The following DYNC2H1 variants were observed in gnomAD, a reference collection of about 807,000 sequenced individuals.
DYNC2H1 encodes the protein dynein cytoplasmic 2 heavy chain 1, also known as cytoplasmic dynein 2 heavy chain 1.
Under a neutral mutation model 570.0 loss-of-function variants are expected in DYNC2H1, and 410 were observed. The observed-to-expected ratio is 0.72, with a 90% CI of 0.66 to 0.78. The LOEUF (loss-of-function observed/expected upper bound fraction) is 0.78, where lower values mean the gene tolerates loss of function less well. Ranked by LOEUF, DYNC2H1 falls within the 30% of genes least tolerant of loss-of-function variation. The probability of loss-of-function intolerance (pLI) is 0.00; values close to 1 mark genes in which losing one functional copy is unlikely to be tolerated. For synonymous variants in DYNC2H1, 1,688 were observed against 1,677.6 expected (o/e 1.01, Z -0.15); for missense variants, 4,865 against 5,046.4 (o/e 0.96, Z 1.09).
rs1312264724 is a variant in DYNC2H1 at position 103,143,229 on chromosome 11, C to T, written c.2575-39C>T. On this transcript the variant is annotated intron_variant, in intron 17 of 88. Transcript: ENST00000375735. ...TCTATTATATGTTAACATATTGGTT[C>T]TGTGTCTTTAATAATACATTTTTTC... 28 of 1,594,420 alleles carry T rather than the reference C, an allele frequency of 1.8e-5. No individual in the cohort carries two copies. The East Asian group carries it at 6.1e-4, about 34-fold the overall frequency.
At chr11:103,354,602 G>A (rs1940240112) in intron 82 of DYNC2H1, among the ~76,000 whole-genome samples, 1 of 151,708 alleles carries the variant, frequency 6.6e-6, no homozygotes, top group Non-Finnish European at 1.5e-5. Flanking sequence ...AATGTCCATG[G>A]TTTAAATAGT....
intron 84 of DYNC2H1, among the ~76,000 whole-genome samples, chr11:103,416,308 TTAA>T (rs1169866928): frequency 6.6e-6 from 1 of 151,926 alleles, no homozygotes; most frequent in African/African-American, 2.4e-5. Context: ...ATAATAATAA[TTAA>T]TAATAAAAAA....
intron 31 of DYNC2H1, among the ~76,000 whole-genome samples, chr11:103,166,990 C>CTTTTTTTTTTT (rs34816989): frequency 4.0e-4 from 23 of 56,982 alleles, no homozygotes; most frequent in East Asian, 1.3e-3. Context: ...GAGGCGCTGC[C>CTTTTTTTTTTT]TTTTTTTTTT....
chr11:103,462,455 T>C (rs1945050343), intron 87 of DYNC2H1, among the ~76,000 whole-genome samples: 1 of 152,162 alleles, frequency 6.6e-6, no homozygotes, highest in Non-Finnish European at 1.5e-5. Flanking sequence ...ACAGCCTCAT[T>C]CCTCATGTAA....
At chr11:103,229,001 C>G (rs1050232239) in intron 59 of DYNC2H1, among the ~76,000 whole-genome samples, 1 of 152,072 alleles carries the variant, frequency 6.6e-6, no homozygotes, top group Non-Finnish European at 1.5e-5. Context: ...ATGCAGGTCA[C>G]CCAGGGTAGT....
At chr11:103,316,654 A>C in intron 80 of DYNC2H1, 34 bp downstream of exon 80, 1 of 1,413,452 alleles carries the variant, frequency 7.1e-7, no homozygotes, top group Non-Finnish European at 9.4e-7. Flanking sequence ...TCTCATATTA[A>C]TAAAATATTT....
chr11:103,383,107 G>T (rs191782963), intron 83 of DYNC2H1, among the ~76,000 whole-genome samples: 18 of 152,164 alleles, frequency 1.2e-4, no homozygotes, highest in African/African-American at 3.6e-4. Context: ...ATGTGTTTGA[G>T]GGGGGGATTC....
At chr11:103,390,641 G>C (rs564130691) in intron 83 of DYNC2H1, among the ~76,000 whole-genome samples, 4 of 152,204 alleles carry the variant, frequency 2.6e-5, no homozygotes, top group Non-Finnish European at 5.9e-5. Flanking sequence ...GGTACCAGTT[G>C]TTCCTTTCCA....
chr11:103,134,924 G>T (rs1328057222), intron 15 of DYNC2H1, among the ~76,000 whole-genome samples: 1 of 152,030 alleles, frequency 6.6e-6, no homozygotes, highest in African/African-American at 2.4e-5. Context: ...CAGAATATGA[G>T]TTAGATGTCT....
chr11:103,255,268 G>C, intron 66 of DYNC2H1, 147 bp from the exon 67 acceptor site: 1 of 863,360 alleles, frequency 1.2e-6, no homozygotes, highest in South Asian at 1.9e-5. Context: ...TGTTGAAGGT[G>C]TCTTATGTTT....
At chr11:103,411,712 C>CTT (rs984933819) in intron 84 of DYNC2H1, among the ~76,000 whole-genome samples, 2 of 151,692 alleles carry the variant, frequency 1.3e-5, no homozygotes, top group African/African-American at 2.4e-5. Context: ...TTTTTTCTTT[C>CTT]TTTCAACCAA....
chr11:103,456,611 A>G (rs1418298559), intron 87 of DYNC2H1, among the ~76,000 whole-genome samples: 2 of 152,224 alleles, frequency 1.3e-5, no homozygotes, highest in Non-Finnish European at 2.9e-5. Flanking sequence ...ACAAATTTAT[A>G]CAAACCATGC....
rs867680225 is a variant in DYNC2H1 at position 103,211,935 on chromosome 11, C to A, written c.8686C>A (p.His2896Asn). The change falls in exon 54 of 89, where the codon CAT (histidine) becomes AAT (asparagine). Residue 2896 changes from histidine (H) to asparagine (N), a missense_variant. Around this residue, in one of 5 missense-constraint regions of DYNC2H1, gnomAD observed 2,401 missense variants for 2,454.6 expected, o/e 0.98. Coordinates refer to ENST00000375735, the MANE Select transcript of DYNC2H1 (RefSeq NM_001377.3). The stretch of plus-strand genomic sequence containing the variant: ...AAAGGAATTATTAAAAAGACAAAGT[C>A]ATTTGCAGGTATAGTATTGGTAATC... ...KKKELLKRQSHLQAGVSKLNE... is the reference protein window; with the variant it reads ...KKKELLKRQSNLQAGVSKLNE... The A allele has an allele frequency of 2.0e-6, 3 of 1,522,684 alleles. No individual in the cohort carries two copies. The highest frequency in any genetic ancestry group is 2.6e-5 in the South Asian group (2 of 76,182). The allele number at this position is 1,522,684 out of a possible 1,614,324, so 94.3% of individuals were successfully genotyped here.
In DYNC2H1 at chr11:103,121,491, T is replaced by C. The variant is rs773206463; in HGVS notation, c.1480T>C (p.Leu494=). Residue 494 remains leucine, a synonymous_variant, in exon 10 of 89, where the codon TTG becomes CTG. Coordinates refer to ENST00000375735, the MANE Select transcript of DYNC2H1 (RefSeq NM_001377.3). ...NSIVWVRQLE[L]KVDDTIKIAE... ...TATAGTTTGGGTTCGCCAGTTGGAA[T>C]TGAAGGTATTTATTTTAATAAAAGA... The C allele has an allele frequency of 6.8e-6, 11 of 1,611,450 alleles. No homozygotes were observed. In the Admixed American group the frequency reaches 1.8e-4, roughly 27 times the overall value.
intron 45 of DYNC2H1, among the ~76,000 whole-genome samples, chr11:103,190,590 G>A (rs971799451): frequency 2.6e-5 from 4 of 152,112 alleles, no homozygotes; most frequent in African/African-American, 7.2e-5. Context: ...AGGGAATAGC[G>A]TGTACAAGTT....
At chr11:103,328,233 TGTCA>T (rs1938597315) in intron 82 of DYNC2H1, among the ~76,000 whole-genome samples, 1 of 152,236 alleles carries the variant, frequency 6.6e-6, no homozygotes, top group Non-Finnish European at 1.5e-5. Flanking sequence ...GTATTTTAAC[TGTCA>T]GTCTGTTTCA....
chr11:103,456,596 T>G (rs533567595), intron 87 of DYNC2H1, among the ~76,000 whole-genome samples: 13 of 152,186 alleles, frequency 8.5e-5, no homozygotes, highest in Non-Finnish European at 1.8e-4. Context: ...AGTGTAACTT[T>G]TAGCACAAAT....
chr11:103,341,785 C>G (rs905168360), intron 82 of DYNC2H1, among the ~76,000 whole-genome samples: 2 of 152,146 alleles, frequency 1.3e-5, no homozygotes, highest in Non-Finnish European at 2.9e-5. Context: ...CTGGAACGAA[C>G]TTTAGAAATA....
rs936100683 is a variant in DYNC2H1 at position 103,275,797 on chromosome 11, A to G, written c.10696-4551A>G. Among the ~76,000 whole-genome samples, 1 of 152,140 alleles carries G rather than the reference A, an allele frequency of 6.6e-6. No homozygotes were observed. Among genetic ancestry groups the G allele is most frequent in the Non-Finnish European group, 1.5e-5 (1 of 68,024 alleles). ...AAATCTTGGTTGCTTCCAAGTTTTG[A>G]CAGTTATGAATAAAGCAGCTGTAAA... On this transcript the variant is annotated intron_variant, in intron 70 of 88. Coordinates refer to ENST00000375735, the MANE Select transcript of DYNC2H1 (RefSeq NM_001377.3). The surrounding 1 kb of genome is among the most constrained non-coding windows in gnomAD (Gnocchi z 4.8).
Sources: gnomAD v4.1 joint callset for allele counts (sites outside exome capture counted in the v4.1 genomes callset) on GRCh38, gnomAD v4.1.1 for gene constraint, gnomAD v4.1.1 regional missense constraint, Gnocchi (gnomAD v3.1) non-coding constraint, MANE v1.5 for transcripts, NCBI Gene and HGNC (gene_info 2026-07-23, HGNC 2026-07-21) for gene names.